PCDHGB1: variants seen among roughly 807,000 people sequenced by gnomAD.
PCDHGB1 encodes protocadherin gamma-B1.
A neutral mutation model predicts 56.6 loss-of-function variants in PCDHGB1; 34 were observed. The ratio of observed to expected loss-of-function variants is 0.60; its 90% CI spans 0.46 to 0.80. The LOEUF (loss-of-function observed/expected upper bound fraction) is 0.80, where lower values mean the gene tolerates loss of function less well. PCDHGB1 is among the 30% of genes least tolerant of loss of function. The pLI, the probability that PCDHGB1 is intolerant of heterozygous loss-of-function variation, is 0.00. For synonymous variants in PCDHGB1, 561 were observed against 505.9 expected (o/e 1.11, Z -1.46); for missense variants, 1,278 against 1,204.6 (o/e 1.06, Z -0.90).
chr5:141,362,661 A>G (rs533318965), intron 1 of PCDHGB1: 682 of 1,346,776 alleles, frequency 5.1e-4, no homozygotes, highest in Non-Finnish European at 6.6e-4. Flanking sequence ...GATTTGGCCA[A>G]TGTTGTGCCT....
intron 1 of PCDHGB1, chr5:141,475,850 G>C (rs2099376325): frequency 8.6e-6 from 4 of 464,524 alleles, no homozygotes; most frequent in Non-Finnish European, 1.5e-5. Flanking sequence ...AGAGAGCCCG[G>C]CGCTAGCTCA....
rs768135284 is a variant in PCDHGB1, at chr5:141,489,277, T to C, written c.2410-5530T>C. ...GACACTCCCACAGCTCGCTGGGAAA[T>C]GGCAAGTGCTGTGCATGTTGTCCTT... On this transcript the variant is annotated intron_variant, in intron 1 of 3. Transcript: ENST00000523390. This position sits in a 1 kb window ranked among gnomAD's most constrained non-coding sequence, Gnocchi z 4.5. 7.1e-6 allele frequency: 11 copies of C among 1,556,078 alleles called. No individual in the cohort carries two copies. Among genetic ancestry groups the C allele is most frequent in the South Asian group, 3.7e-5 (3 of 80,348 alleles).
chr5:141,435,979 C>T (rs1036607924), intron 1 of PCDHGB1, among the ~76,000 whole-genome samples: 4 of 152,008 alleles, frequency 2.6e-5, no homozygotes, highest in Non-Finnish European at 5.9e-5. Flanking sequence ...TGTGGTTCTA[C>T]TTGTGTGATT....
At chr5:141,382,813 T>A in intron 1 of PCDHGB1, 1 of 1,218,620 alleles carries the variant, frequency 8.2e-7, no homozygotes, top group East Asian at 2.4e-5. Flanking sequence ...GAGCTCCCCT[T>A]CCTAAGACAG....
intron 1 of PCDHGB1, chr5:141,400,663 A>T: frequency 4.0e-6 from 4 of 995,312 alleles, no homozygotes; most frequent in Non-Finnish European, 6.0e-6. Flanking sequence ...ACCATTCTTT[A>T]AGAGGAGCAG....
At chr5:141,399,509 A>G in intron 1 of PCDHGB1, 13 of 1,613,968 alleles carry the variant, frequency 8.1e-6, no homozygotes, top group Non-Finnish European at 1.1e-5. Flanking sequence ...CCCGAAAACA[A>G]CCCTCCTGGG....
At chr5:141,424,078 T>C in intron 1 of PCDHGB1, 1 of 975,828 alleles carries the variant, frequency 1.0e-6, no homozygotes, top group South Asian at 4.8e-5. Context: ...GTAGTTATAT[T>C]CCACCATTAT....
chr5:141,371,361 G>C, intron 1 of PCDHGB1: 1 of 1,613,976 alleles, frequency 6.2e-7, no homozygotes, highest in Non-Finnish European at 8.5e-7. Context: ...GGAAGCAAAG[G>C]ATGGTGGACA....
intron 1 of PCDHGB1, chr5:141,417,066 T>C (rs1373522268): frequency 6.6e-6 from 1 of 152,110 alleles, no homozygotes; most frequent in Non-Finnish European, 1.5e-5. Context: ...ACATTGTAGC[T>C]ATTGTGAGAA....
Position 141,392,895 on chromosome 5 carries a change from A to C in PCDHGB1, c.2409+40226A>C, listed in dbSNP as rs1213908930. ...GCTGGGAACGCTGTGGGAAATCGGG[A>C]GGGGACAGATTCGCTACTCTGTGCC... On this transcript the variant is annotated intron_variant, in intron 1 of 3. Transcript: ENST00000523390. 11 of 1,613,660 alleles carry C rather than the reference A, an allele frequency of 6.8e-6. No individual in the cohort carries two copies. The Admixed American group carries it at 1.8e-4, about 27-fold the overall frequency.
At chr5:141,417,699 C>A (rs2096148616) in intron 1 of PCDHGB1, 1 of 1,164,548 alleles carries the variant, frequency 8.6e-7, no homozygotes, top group Non-Finnish European at 1.2e-6. Context: ...AACCAGCTCC[C>A]ACACAGAGGC....
chr5:141,497,740 C>T (rs954595046), intron 2 of PCDHGB1, among the ~76,000 whole-genome samples: 1 of 152,054 alleles, frequency 6.6e-6, no homozygotes, highest in South Asian at 2.1e-4. Context: ...GGTTTCGCCA[C>T]GTTGGCCAGG....
chr5:141,472,980 C>CAAAAAAAAAAAAAAAAAAAA (rs60579131), intron 1 of PCDHGB1, among the ~76,000 whole-genome samples: 7 of 86,088 alleles, frequency 8.1e-5, no homozygotes, highest in South Asian at 4.3e-4. Flanking sequence ...GAGTGAAACT[C>CAAAAAAAAAAAAAAAAAAAA]AAAAAAAAAA....
At chr5:141,407,547 T>C (rs895082728) in intron 1 of PCDHGB1, among the ~76,000 whole-genome samples, 1 of 151,860 alleles carries the variant, frequency 6.6e-6, no homozygotes, top group Non-Finnish European at 1.5e-5. Flanking sequence ...GGTAACAGAT[T>C]GTAGAACATA....
At chr5:141,360,342 C>A in intron 1 of PCDHGB1, 1 of 1,613,836 alleles carries the variant, frequency 6.2e-7, no homozygotes. Flanking sequence ...TGCGGGTTAG[C>A]GCGGAGAAGG....
Position 141,491,623 on chromosome 5 carries a change from G to T in PCDHGB1, c.2410-3184G>T. 1 of 1,613,930 alleles carries T rather than the reference G, an allele frequency of 6.2e-7. No homozygotes were observed. The highest frequency in any genetic ancestry group is 1.1e-5 in the South Asian group (1 of 91,084). On this transcript the variant is annotated intron_variant, in intron 1 of 3. Transcript: ENST00000523390. This position sits in a 1 kb window ranked among gnomAD's most constrained non-coding sequence, Gnocchi z 6.9. ...CTTCACTTTTCTAAGACCCCTCAGC[G>T]TTCAGCAGCCCACAGCTCTGGCGCT...
chr5:141,387,555 A>G (rs1236867307), intron 1 of PCDHGB1: 10 of 410,246 alleles, frequency 2.4e-5, no homozygotes, highest in Non-Finnish European at 4.3e-5. Flanking sequence ...TCTTTCAGTT[A>G]GGCACACAAT....
chr5:141,373,898 A>G (rs1039826496), intron 1 of PCDHGB1: 7 of 541,044 alleles, frequency 1.3e-5, no homozygotes, highest in African/African-American at 1.2e-4. Context: ...CTCAAGTTAC[A>G]TCCTCCAACA....
At chr5:141,379,660 C>T (rs922191885) in intron 1 of PCDHGB1, 1 of 152,100 alleles carries the variant, frequency 6.6e-6, no homozygotes, top group African/African-American at 2.4e-5. Flanking sequence ...CTTCTACTCT[C>T]ACAAAAGTCA....
Sources: allele counts gnomAD v4.1 joint callset (sites outside exome capture counted in the v4.1 genomes callset), GRCh38; gene constraint gnomAD v4.1.1; non-coding constraint Gnocchi (gnomAD v3.1); transcripts MANE v1.5; gene names NCBI Gene and HGNC (gene_info 2026-07-23, HGNC 2026-07-21).